ATP8A2: variants seen among roughly 807,000 people sequenced by gnomAD.
ATP8A2 encodes phospholipid-transporting ATPase IB.
Under a neutral mutation model 165.6 loss-of-function variants are expected in ATP8A2, and 100 were observed. The ratio of observed to expected loss-of-function variants is 0.60; its 90% confidence interval spans 0.51 to 0.71. The LOEUF (loss-of-function observed/expected upper bound fraction) is 0.71. Among genes scored for constraint, ATP8A2 ranks in the 30% least tolerant of loss-of-function variants. The pLI is 0.00. For synonymous variants in ATP8A2, 543 were observed against 548.8 expected (o/e 0.99, Z 0.15); for missense variants, 1,227 against 1,479.5 (o/e 0.83, Z 2.80).
rs1955890417 is a variant in ATP8A2, at chr13:25,970,595, T to A, written c.3377+1916T>A. 2.6e-5 allele frequency among the ~76,000 whole-genome samples: 4 copies of A among 152,368 alleles called. No homozygotes were observed. The South Asian group carries it at 6.2e-4, about 24-fold the overall frequency. ...GAGGCCTTGTGCAGGATATTTCATA[T>A]GATCAGATTGTCTCTTCATCTGTCA... On this transcript the variant is annotated intron_variant, in intron 35 of 36. Transcript: ENST00000381655.
intron 32 of ATP8A2, 139 bp downstream of exon 32, chr13:25,860,999 C>A: frequency 3.0e-6 from 2 of 671,972 alleles, no homozygotes; most frequent in Non-Finnish European, 5.2e-6. Context: ...GTGGTTTGAT[C>A]TTGATCAGGG....
intron 2 of ATP8A2, among the ~76,000 whole-genome samples, chr13:25,483,987 T>C (rs923661638): frequency 6.6e-6 from 1 of 152,136 alleles, no homozygotes; most frequent in African/African-American, 2.4e-5. Flanking sequence ...AGGGAAGAAA[T>C]ATGCAGGCTG....
At chr13:25,671,501 A>G (rs1456968302) in intron 24 of ATP8A2, among the ~76,000 whole-genome samples, 2 of 152,202 alleles carry the variant, frequency 1.3e-5, no homozygotes, top group African/African-American at 2.4e-5. Flanking sequence ...TTTTCTCAGC[A>G]TGGGATATCC....
At chr13:25,950,339 G>T (rs1165741162) in intron 33 of ATP8A2, among the ~76,000 whole-genome samples, 7 of 152,134 alleles carry the variant, frequency 4.6e-5, no homozygotes, top group African/African-American at 1.7e-4. Flanking sequence ...TATTTGGTTA[G>T]ACCAACATTT....
chr13:25,599,033 A>T (rs1336565739), intron 24 of ATP8A2, among the ~76,000 whole-genome samples: 1 of 148,650 alleles, frequency 6.7e-6, no homozygotes, highest in Non-Finnish European at 1.5e-5. Flanking sequence ...AGCCCTGGGA[A>T]TTTTTTTTTT....
At chr13:25,393,337 G>A (rs1460196242) in intron 1 of ATP8A2, among the ~76,000 whole-genome samples, 1 of 151,882 alleles carries the variant, frequency 6.6e-6, no homozygotes, top group East Asian at 1.9e-4. Flanking sequence ...TCACTATGTT[G>A]CCCAGGCTAA....
chr13:25,727,461 C>T (rs923165348), intron 25 of ATP8A2, among the ~76,000 whole-genome samples: 1 of 152,124 alleles, frequency 6.6e-6, no homozygotes, highest in Non-Finnish European at 1.5e-5. Context: ...TACTGAAAAG[C>T]AAATATCTCA....
Position 25,483,018 on chromosome 13 carries a change from G to A in ATP8A2, c.221+13897G>A, listed in dbSNP as rs115651502. 7.9e-3 allele frequency among the ~76,000 whole-genome samples: 1,203 copies of A among 152,352 alleles called. 17 individuals are homozygous for A. The highest frequency in any genetic ancestry group is 0.027 in the African/African-American group (1,140 of 41,574). ...TGAAAGGCCAGGCTACTGGAGACGG[G>A]CTGCTATAGCCAAGAAAAGCTTTTA... On this transcript the variant is annotated intron_variant, in intron 2 of 36. Coordinates refer to ENST00000381655, the MANE Select transcript of ATP8A2 (RefSeq NM_016529.6).
chr13:25,513,057 G>A (rs1164171258), intron 2 of ATP8A2, among the ~76,000 whole-genome samples: 2 of 148,704 alleles, frequency 1.3e-5, no homozygotes, highest in African/African-American at 5.0e-5. Context: ...CCTGGCGGGG[G>A]CTGACCCCCA....
At position 25,887,129 on chromosome 13, in the gene ATP8A2, A is replaced by G. The variant is rs138249966; in HGVS notation, c.3183+24721A>G. Among the ~76,000 whole-genome samples, 833 of 152,252 alleles carry G rather than the reference A, an allele frequency of 5.5e-3. 1 individual carries two copies. Among genetic ancestry groups the G allele is most frequent in the Middle Eastern group, 0.014 (4 of 294 alleles). On this transcript the variant is annotated intron_variant, in intron 33 of 36. Transcript: ENST00000381655. Reference sequence around the variant, plus strand: ...GGGTGGAACAGAGGATGAGTAAGAAATGGAAGAGGTGTGAGGAGGCTTCTG... The same window carrying G: ...GGGTGGAACAGAGGATGAGTAAGAAGTGGAAGAGGTGTGAGGAGGCTTCTG...
chr13:25,968,139 T>C (rs2139207263), intron 34 of ATP8A2, among the ~76,000 whole-genome samples: 1 of 152,334 alleles, frequency 6.6e-6, no homozygotes, highest in African/African-American at 2.4e-5. Context: ...GGAAACTTGC[T>C]AACCCCTGGG....
chr13:25,400,759 G>A (rs547178822), intron 1 of ATP8A2, among the ~76,000 whole-genome samples: 14 of 152,344 alleles, frequency 9.2e-5, no homozygotes, highest in African/African-American at 2.6e-4. Context: ...GGTGCAGAAA[G>A]GTTCTTGGGC....
At chr13:25,752,772 A>G (rs2044179413) in intron 25 of ATP8A2, among the ~76,000 whole-genome samples, 1 of 152,174 alleles carries the variant, frequency 6.6e-6, no homozygotes, top group Admixed American at 6.5e-5. Context: ...TGTTGTTGCC[A>G]AACTCTGTTC....
chr13:25,564,392 A>G (rs183753324), intron 16 of ATP8A2, among the ~76,000 whole-genome samples: 34 of 152,340 alleles, frequency 2.2e-4, no homozygotes, highest in Admixed American at 1.9e-3. Context: ...TGACTAGGAT[A>G]CTTTAGGAAA....
intron 27 of ATP8A2, among the ~76,000 whole-genome samples, chr13:25,786,318 C>T (rs1484771545): frequency 6.6e-6 from 1 of 152,116 alleles, no homozygotes; most frequent in Non-Finnish European, 1.5e-5. Context: ...CCTGGCAGAT[C>T]AAGTGGACTA....
intron 23 of ATP8A2, among the ~76,000 whole-genome samples, chr13:25,583,286 GC>G (rs2039826713): frequency 6.6e-6 from 1 of 152,068 alleles, no homozygotes; most frequent in South Asian, 2.1e-4. Context: ...TGGATCTGTG[GC>G]CCCTGTTGTT....
chr13:25,513,585 C>T (rs1250658823), intron 2 of ATP8A2, among the ~76,000 whole-genome samples: 1 of 152,072 alleles, frequency 6.6e-6, no homozygotes, highest in African/African-American at 2.4e-5. Context: ...AATCTCGGCA[C>T]TTTGGGAGGC....
chr13:25,401,631 A>G (rs904573218), intron 1 of ATP8A2, among the ~76,000 whole-genome samples: 9 of 152,172 alleles, frequency 5.9e-5, no homozygotes, highest in African/African-American at 2.2e-4. Context: ...TCAGGAGGGA[A>G]AAAGCAGTAG....
intron 7 of ATP8A2, among the ~76,000 whole-genome samples, chr13:25,539,434 T>C: frequency 6.6e-6 from 1 of 151,608 alleles, no homozygotes; most frequent in South Asian, 2.1e-4. Flanking sequence ...TTTAACTTGG[T>C]CTTAATACCA....
Sources: gnomAD v4.1 joint callset for allele counts (sites outside exome capture counted in the v4.1 genomes callset) on GRCh38, gnomAD v4.1.1 for gene constraint, MANE v1.5 for transcripts, NCBI Gene and HGNC (gene_info 2026-07-23, HGNC 2026-07-21) for gene names.